Variants in PCDH9 observed in about 807,000 individuals in gnomAD.
PCDH9 encodes the protein protocadherin 9.
Under a neutral mutation model 70.6 loss-of-function variants are expected in PCDH9, and 24 were observed. The ratio of observed to expected loss-of-function variants is 0.34; its 90% CI spans 0.25 to 0.48. The LOEUF is 0.48. Among genes scored for constraint, PCDH9 ranks in the 20% least tolerant of loss-of-function variants. The pLI is 0.99. For synonymous variants in PCDH9, 562 were observed against 558.5 expected (o/e 1.01, Z -0.09); for missense variants, 1,281 against 1,503.6 (o/e 0.85, Z 2.45).
intron 4 of PCDH9, among the ~76,000 whole-genome samples, chr13:66,543,003 C>T (rs1168521384): frequency 3.3e-5 from 5 of 151,500 alleles, no homozygotes; most frequent in Admixed American, 3.3e-4. Context: ...TAAAATGCAA[C>T]TTTCCTTAGA....
intron 3 of PCDH9, among the ~76,000 whole-genome samples, chr13:66,733,940 C>G (rs2079109786): frequency 6.6e-6 from 1 of 152,076 alleles, no homozygotes; most frequent in African/African-American, 2.4e-5. Flanking sequence ...TGGCTTTGCC[C>G]CGGAGAGGTC....
intron 4 of PCDH9, among the ~76,000 whole-genome samples, chr13:66,332,329 T>C (rs1404672891): frequency 6.6e-6 from 1 of 152,164 alleles, no homozygotes; most frequent in East Asian, 1.9e-4. Context: ...CAATCAGCTC[T>C]GAACAAGCCA....
intron 4 of PCDH9, among the ~76,000 whole-genome samples, chr13:66,367,337 A>G (rs1342885761): frequency 2.0e-5 from 3 of 152,148 alleles, no homozygotes; most frequent in Admixed American, 1.3e-4. Context: ...CGTAACAGAC[A>G]CTCTGTTTGC....
rs139485798 is a variant in PCDH9 at position 66,629,440 on chromosome 13, G to T, written c.3340+1770C>A. On this transcript the variant is annotated intron_variant, in intron 4 of 4. Transcript: ENST00000377865. ...CTAGGAAAACAGTTTTGAAAGAGCT[G>T]TGTGAATTCCACCTACATAAACCTC... 4.0e-3 allele frequency among the ~76,000 whole-genome samples: 614 copies of T among 152,300 alleles called. 4 individuals are homozygous for T. Among genetic ancestry groups the T allele is most frequent in the African/African-American group, 0.014 (576 of 41,558 alleles).
At chr13:66,323,947 G>A (rs1955797470) in intron 4 of PCDH9, among the ~76,000 whole-genome samples, 1 of 152,020 alleles carries the variant, frequency 6.6e-6, no homozygotes, top group African/African-American at 2.4e-5. Context: ...TCTCCTCTCT[G>A]TCTAACTTTC....
At chr13:66,472,108 A>G (rs1273797773) in intron 4 of PCDH9, among the ~76,000 whole-genome samples, 1 of 150,568 alleles carries the variant, frequency 6.6e-6, no homozygotes, top group African/African-American at 2.4e-5. Flanking sequence ...GCTTTTCAGG[A>G]GGCTGAGGCA....
At chr13:66,555,050 T>A (rs1337754559) in intron 4 of PCDH9, among the ~76,000 whole-genome samples, 1 of 152,108 alleles carries the variant, frequency 6.6e-6, no homozygotes. Flanking sequence ...ATGCCTGTAA[T>A]CCCAGCTACT....
intron 2 of PCDH9, among the ~76,000 whole-genome samples, chr13:67,137,660 G>A (rs1195103394): frequency 6.6e-6 from 1 of 151,958 alleles, no homozygotes; most frequent in Non-Finnish European, 1.5e-5. Flanking sequence ...AATAGTGAGA[G>A]GTAGTGCTAT....
intron 3 of PCDH9, among the ~76,000 whole-genome samples, chr13:66,704,776 T>G (rs1326466314): frequency 3.3e-5 from 5 of 152,142 alleles, no homozygotes; most frequent in African/African-American, 1.2e-4. Flanking sequence ...ATTCTCTAGA[T>G]GCTGATTTGG....
intron 4 of PCDH9, among the ~76,000 whole-genome samples, chr13:66,437,195 C>T (rs1484760705): frequency 6.6e-6 from 1 of 151,514 alleles, no homozygotes; most frequent in Non-Finnish European, 1.5e-5. Flanking sequence ...ATCACAAGGT[C>T]AGGAGATCGA....
At chr13:66,439,963 C>T (rs973426333) in intron 4 of PCDH9, among the ~76,000 whole-genome samples, 9 of 152,124 alleles carry the variant, frequency 5.9e-5, no homozygotes, top group Non-Finnish European at 1.3e-4. Context: ...ATACTGCGCC[C>T]TTAATTTCTC....
intron 4 of PCDH9, among the ~76,000 whole-genome samples, chr13:66,461,399 T>C (rs1156950355): frequency 6.6e-6 from 1 of 151,804 alleles, no homozygotes; most frequent in African/African-American, 2.4e-5. Context: ...TAGTGTTTTG[T>C]GTTGAATGCA....
chr13:66,555,981 A>C (rs1961723316), intron 4 of PCDH9, among the ~76,000 whole-genome samples: 3 of 148,510 alleles, frequency 2.0e-5, no homozygotes, highest in Non-Finnish European at 4.5e-5. Context: ...ATATAAAATA[A>C]ATATGCTGAA....
chr13:66,303,018 T>C lies in PCDH9; in HGVS notation c.*1637A>G, dbSNP rs78491517. 0.034 allele frequency: 5,209 copies of C among 152,582 alleles called. 97 individuals are homozygous for C. The highest frequency in any genetic ancestry group is 0.065 in the Middle Eastern group (19 of 294). 9.5% of individuals were successfully genotyped at this position (152,582 alleles called of 1,614,324 possible). ...CTACCCATTATTTTCCATTATACTG[T>C]GGAAAAATGTGAACTGCTATTTACA... is the stretch of plus-strand genomic sequence containing the variant. On this transcript the variant is annotated 3_prime_UTR_variant, in exon 5 of 5. Transcript: ENST00000377865.
Position 67,228,275 on chromosome 13 carries a change from T to A in PCDH9, c.166A>T (p.Thr56Ser). 6.2e-7 allele frequency: 1 copy of A among 1,613,966 alleles called. No homozygotes were observed. The highest frequency in any genetic ancestry group is 8.5e-7 in the Non-Finnish European group (1 of 1,179,958). Residue 56 changes from threonine to serine, a missense_variant, in exon 2 of 5, where the codon ACA becomes TCA. Coordinates refer to ENST00000377865, the MANE Select transcript of PCDH9 (RefSeq NM_203487.3). ...TAGACAAGGCTGGCGCTGGTCCCTG[T>A]GGCAGCATTGATGTGAGAAATGTTC... ...DLNISHINAA[T>S]GTSASLVYRL...
At chr13:67,144,172 G>A (rs2087465810) in intron 2 of PCDH9, among the ~76,000 whole-genome samples, 3 of 152,110 alleles carry the variant, frequency 2.0e-5, no homozygotes, top group Admixed American at 6.6e-5. Flanking sequence ...TCCTGGTGTT[G>A]CCACATAATC....
intron 4 of PCDH9, among the ~76,000 whole-genome samples, chr13:66,622,520 C>T (rs183483079): frequency 1.3e-5 from 2 of 152,250 alleles, no homozygotes; most frequent in East Asian, 3.9e-4. Context: ...CAATCAACAC[C>T]CTGTGTCTAG....
intron 2 of PCDH9, 147 bp downstream of exon 2, chr13:67,225,258 G>T: frequency 7.9e-7 from 1 of 1,272,632 alleles, no homozygotes. Flanking sequence ...CTGAGCCCCA[G>T]AGGAATAGAA....
At chr13:66,656,781 AT>A (rs1335738962) in intron 3 of PCDH9, among the ~76,000 whole-genome samples, 1 of 152,284 alleles carries the variant, frequency 6.6e-6, no homozygotes, top group Non-Finnish European at 1.5e-5. Flanking sequence ...CAAGTTTGAA[AT>A]TTTTTTATGA....
Sources: allele counts gnomAD v4.1 joint callset (sites outside exome capture counted in the v4.1 genomes callset), GRCh38; gene constraint gnomAD v4.1.1; transcripts MANE v1.5; gene names NCBI Gene and HGNC (gene_info 2026-07-23, HGNC 2026-07-21).